The following STAU2 variants were observed in gnomAD, a reference collection of about 807,000 sequenced individuals.
STAU2 encodes the protein staufen double-stranded RNA binding protein 2, also known as double-stranded RNA-binding protein Staufen homolog 2.
Under a neutral mutation model 65.9 loss-of-function variants are expected in STAU2, and 20 were observed. The ratio of observed to expected loss-of-function variants is 0.30; its 90% confidence interval spans 0.21 to 0.44. The LOEUF (loss-of-function observed/expected upper bound fraction) is 0.44. Ranked by LOEUF, STAU2 falls within the 20% of genes least tolerant of loss-of-function variation. STAU2 has a pLI of 1.00. For synonymous variants in STAU2, 232 were observed against 233.9 expected (o/e 0.99, Z 0.07); for missense variants, 558 against 683.9 (o/e 0.82, Z 2.05).
At chr8:73,425,460 G>A (rs911209266) in intron 13 of STAU2, among the ~76,000 whole-genome samples, 21 of 152,252 alleles carry the variant, frequency 1.4e-4, no homozygotes, top group African/African-American at 4.8e-4. Flanking sequence ...GCCTTCAGAA[G>A]GAACCAGCCC....
At chr8:73,507,620 C>T (rs1483550991) in intron 13 of STAU2, among the ~76,000 whole-genome samples, 1 of 152,178 alleles carries the variant, frequency 6.6e-6, no homozygotes, top group Non-Finnish European at 1.5e-5. Context: ...AACTTGAAGT[C>T]ATCAGGTGCC....
intron 13 of STAU2, among the ~76,000 whole-genome samples, chr8:73,476,113 G>T (rs902539338): frequency 2.6e-5 from 4 of 152,112 alleles, no homozygotes; most frequent in African/African-American, 7.2e-5. Flanking sequence ...GGAAATGATT[G>T]TTACCAATGG....
intron 12 of STAU2, among the ~76,000 whole-genome samples, chr8:73,557,759 C>T (rs1025260907): frequency 2.0e-5 from 3 of 152,206 alleles, no homozygotes; most frequent in Admixed American, 6.5e-5. Context: ...ACACTTCCCT[C>T]GCTCAGGCTT....
intron 4 of STAU2, among the ~76,000 whole-genome samples, chr8:73,693,401 G>A (rs1819489998): frequency 6.6e-6 from 1 of 151,614 alleles, no homozygotes; most frequent in East Asian, 1.9e-4. Context: ...CGTGAACCCG[G>A]GAGGTGGAGC....
At chr8:73,448,731 T>C (rs951086465) in intron 13 of STAU2, among the ~76,000 whole-genome samples, 7 of 152,362 alleles carry the variant, frequency 4.6e-5, no homozygotes, top group African/African-American at 1.4e-4. Context: ...CCTGGTTATC[T>C]GTTTCCCAAA....
intron 11 of STAU2, among the ~76,000 whole-genome samples, chr8:73,588,167 G>C (rs997190599): frequency 6.6e-6 from 1 of 152,140 alleles, no homozygotes; most frequent in Non-Finnish European, 1.5e-5. Context: ...AACTTTTCTT[G>C]AACCCTTTAG....
intron 4 of STAU2, among the ~76,000 whole-genome samples, chr8:73,690,819 T>C (rs1819278908): frequency 6.6e-6 from 1 of 152,192 alleles, no homozygotes; most frequent in Non-Finnish European, 1.5e-5. Flanking sequence ...AACATACCTG[T>C]TTAAAGTGAT....
intron 13 of STAU2, among the ~76,000 whole-genome samples, chr8:73,432,878 G>A (rs1372962971): frequency 6.6e-6 from 1 of 152,166 alleles, no homozygotes; most frequent in Non-Finnish European, 1.5e-5. Flanking sequence ...GTAGGTGGTC[G>A]GAGAGACACA....
chr8:73,596,321 C>T (rs1301972123), intron 10 of STAU2, among the ~76,000 whole-genome samples: 1 of 152,096 alleles, frequency 6.6e-6, no homozygotes, highest in African/African-American at 2.4e-5. Context: ...TAATCCATCA[C>T]AATTGCTCCA....
intron 13 of STAU2, among the ~76,000 whole-genome samples, chr8:73,499,492 G>A (rs1432902625): frequency 2.6e-5 from 4 of 151,916 alleles, no homozygotes; most frequent in African/African-American, 9.6e-5. Flanking sequence ...CACAAAGGAG[G>A]GAGGCAATCC....
intron 4 of STAU2, among the ~76,000 whole-genome samples, chr8:73,702,774 C>CAA (rs1324730890): frequency 1.3e-5 from 2 of 151,970 alleles, no homozygotes; most frequent in Non-Finnish European, 1.5e-5. Flanking sequence ...ACACTGATGA[C>CAA]AAACACACAA....
At chr8:73,661,822 A>C (rs940236667) in intron 6 of STAU2, among the ~76,000 whole-genome samples, 1 of 152,210 alleles carries the variant, frequency 6.6e-6, no homozygotes. Context: ...ATTACAGTGT[A>C]ACCATTTACC....
intron 12 of STAU2, among the ~76,000 whole-genome samples, chr8:73,559,548 C>T (rs572008581): frequency 6.6e-6 from 1 of 152,278 alleles, no homozygotes; most frequent in South Asian, 2.1e-4. Context: ...GCCTCATAGC[C>T]GGGACCTTGT....
At position 73,716,921 on chromosome 8, in the gene STAU2, T is replaced by A. The variant is rs1586338786; in HGVS notation, c.-17-7759A>T. On this transcript the variant is annotated intron_variant, in intron 3 of 14. Transcript: ENST00000524300. Reference sequence around the variant, plus strand: ...GAGTTCAAAACCAGTCTGGGCAACATGGTACCCCGCCTCTATTAAAAATAC... The same window carrying A: ...GAGTTCAAAACCAGTCTGGGCAACAAGGTACCCCGCCTCTATTAAAAATAC... Among the ~76,000 whole-genome samples, 5 of 152,116 alleles carry A rather than the reference T, an allele frequency of 3.3e-5. No individual in the cohort carries two copies. The South Asian group carries it at 1.0e-3, about 32-fold the overall frequency.
intron 12 of STAU2, among the ~76,000 whole-genome samples, chr8:73,577,219 G>A (rs1351495991): frequency 1.3e-5 from 2 of 152,002 alleles, no homozygotes; most frequent in Non-Finnish European, 2.9e-5. Flanking sequence ...ACAAGGTCAG[G>A]AGATCGAGAC....
intron 13 of STAU2, among the ~76,000 whole-genome samples, chr8:73,518,954 C>A (rs530264105): frequency 6.6e-6 from 1 of 152,072 alleles, no homozygotes; most frequent in Non-Finnish European, 1.5e-5. Context: ...TCAACAAATA[C>A]GAAAGCACTT....
chr8:73,651,309 C>T (rs1291650137), intron 6 of STAU2: 10 of 674,978 alleles, frequency 1.5e-5, no homozygotes, highest in African/African-American at 7.0e-5. Context: ...GCCTTCACCA[C>T]GGAGCAGGTC....
At chr8:73,683,018 A>G (rs1818542929) in intron 5 of STAU2, among the ~76,000 whole-genome samples, 2 of 152,222 alleles carry the variant, frequency 1.3e-5, no homozygotes, top group African/African-American at 4.8e-5. Context: ...TTCACAGCTG[A>G]ATTCTAACAG....
intron 13 of STAU2, among the ~76,000 whole-genome samples, chr8:73,459,370 C>T (rs977477683): frequency 6.6e-6 from 1 of 152,112 alleles, no homozygotes; most frequent in African/African-American, 2.4e-5. Context: ...ACCAAAAAAG[C>T]CATATTTTTC....
Sources: gnomAD v4.1 joint callset for allele counts (sites outside exome capture counted in the v4.1 genomes callset) on GRCh38, gnomAD v4.1.1 for gene constraint, MANE v1.5 for transcripts, NCBI Gene and HGNC (gene_info 2026-07-23, HGNC 2026-07-21) for gene names.